LRSAM1: variants seen among roughly 807,000 people sequenced by gnomAD.
LRSAM1 encodes the protein E3 ubiquitin-protein ligase LRSAM1.
In LRSAM1, 96 loss-of-function variants were observed where a neutral mutation model predicts 118.1. The ratio of observed to expected loss-of-function variants is 0.81; its 90% CI spans 0.69 to 0.96. The LOEUF (loss-of-function observed/expected upper bound fraction) is 0.96, where lower values mean the gene tolerates loss of function less well. Among genes scored for constraint, LRSAM1 ranks in the 40% least tolerant of loss-of-function variants. The pLI, the probability that LRSAM1 is intolerant of heterozygous loss-of-function variation, is 0.00. For missense variants in LRSAM1, 804 were observed against 915.5 expected, an observed-to-expected ratio of 0.88 and a Z score of 1.57; for synonymous variants, 322 against 364.2, an observed-to-expected ratio of 0.88 and a Z score of 1.32.
At chr9:127,483,448 GAA>G (rs1197470164) in intron 16 of LRSAM1, among the ~76,000 whole-genome samples, 1 of 134,034 alleles carries the variant, frequency 7.5e-6, no homozygotes, top group African/African-American at 2.8e-5. Context: ...CCATTTCTCA[GAA>G]AAAAAAAAAA....
At chr9:127,495,816 T>G in intron 22 of LRSAM1, 148 bp from the exon 23 acceptor site, 1 of 1,199,958 alleles carries the variant, frequency 8.3e-7, no homozygotes, top group Non-Finnish European at 1.2e-6. Context: ...TCTATCTATC[T>G]CTGTGTGCCT....
intron 9 of LRSAM1, among the ~76,000 whole-genome samples, chr9:127,464,515 T>G (rs2132020513): frequency 6.6e-6 from 1 of 152,282 alleles, no homozygotes; most frequent in East Asian, 1.9e-4. Flanking sequence ...AAGTTTGATT[T>G]CATTGAATTT....
chr9:127,487,628 G>T (rs779016887), intron 17 of LRSAM1, 48 bp from the exon 18 acceptor site: 4 of 1,568,918 alleles, frequency 2.5e-6, no homozygotes, highest in Non-Finnish European at 2.6e-6. Context: ...CATAGTAGGT[G>T]CTCGGGAAAC....
chr9:127,467,701 G>T, intron 9 of LRSAM1, 39 bp from the exon 10 acceptor site: 1 of 1,570,826 alleles, frequency 6.4e-7, no homozygotes, highest in South Asian at 1.1e-5. Flanking sequence ...CGGTTGCGTT[G>T]GTAGCGAACA....
chr9:127,490,075 G>A (rs1190191914), intron 19 of LRSAM1, among the ~76,000 whole-genome samples: 5 of 133,628 alleles, frequency 3.7e-5, no homozygotes, highest in East Asian at 2.0e-4. Flanking sequence ...CCCGCAGGCC[G>A]GCTGCTGACC....
intron 2 of LRSAM1, chr9:127,454,031 G>A (rs1834419926): frequency 3.5e-6 from 1 of 284,698 alleles, no homozygotes; most frequent in East Asian, 1.0e-4. Context: ...CACAGCCCCT[G>A]CCTCCATGGA....
intron 17 of LRSAM1, chr9:127,487,405 G>T: frequency 2.4e-6 from 1 of 412,122 alleles, no homozygotes; most frequent in Non-Finnish European, 4.7e-6. Flanking sequence ...CTTCCGGGGG[G>T]TGCTGGGGAG....
At chr9:127,495,538 G>C (rs1564282100) in intron 22 of LRSAM1, 120 bp downstream of exon 22, 2 of 839,404 alleles carry the variant, frequency 2.4e-6, no homozygotes, top group Non-Finnish European at 4.0e-6. Flanking sequence ...TAGCATGCCA[G>C]ATCCTGTGCC....
chr9:127,477,333 T>C (rs1407370340), intron 11 of LRSAM1, among the ~76,000 whole-genome samples: 1 of 152,204 alleles, frequency 6.6e-6, no homozygotes, highest in Non-Finnish European at 1.5e-5. Flanking sequence ...AATTGAAGAT[T>C]AATTTTAAAA....
At chr9:127,462,419 A>C in intron 9 of LRSAM1, 46 bp downstream of exon 9, 1 of 1,612,354 alleles carries the variant, frequency 6.2e-7, no homozygotes. Context: ...TGGCCTGCCC[A>C]CCTCCCCTCT....
chr9:127,491,441 G>A (rs1835929909), intron 20 of LRSAM1, 146 bp downstream of exon 20: 1 of 692,212 alleles, frequency 1.4e-6, no homozygotes, highest in Non-Finnish European at 2.6e-6. Context: ...CTGTGGCTGT[G>A]ACACCAGAGG....
At chr9:127,484,769 C>G (rs1200194393) in intron 16 of LRSAM1, among the ~76,000 whole-genome samples, 1 of 150,890 alleles carries the variant, frequency 6.6e-6, no homozygotes, top group Non-Finnish European at 1.5e-5. Context: ...TATTCTAGTT[C>G]CTTCTTTCAA....
intron 11 of LRSAM1, among the ~76,000 whole-genome samples, chr9:127,477,614 G>C (rs1440037532): frequency 6.6e-6 from 1 of 152,088 alleles, no homozygotes; most frequent in Non-Finnish European, 1.5e-5. Flanking sequence ...GCCAGGCATG[G>C]TGGTGCGTGC....
intron 10 of LRSAM1, among the ~76,000 whole-genome samples, chr9:127,472,999 T>C (rs940195858): frequency 6.6e-6 from 1 of 152,098 alleles, no homozygotes; most frequent in Non-Finnish European, 1.5e-5. Flanking sequence ...GAGGAGTGGC[T>C]GGGAGGACCT....
chr9:127,485,905 T>C (rs998424509), intron 17 of LRSAM1, 70 bp downstream of exon 17: 92 of 1,501,814 alleles, frequency 6.1e-5, no homozygotes, highest in Non-Finnish European at 7.9e-5. Flanking sequence ...GACCGTGGGA[T>C]GAGAGCTGGG....
chr9:127,479,498 T>C lies in LRSAM1; in HGVS notation c.896T>C (p.Val299Ala). Reference sequence around the variant, plus strand: ...CAGAAGGATGAGATCCTTCAGACGGTCAAGGAGGTTTGTGAGCCGCCTGCT... The same window carrying C: ...CAGAAGGATGAGATCCTTCAGACGGCCAAGGAGGTTTGTGAGCCGCCTGCT... Reference protein sequence around the residue: ...SSQKDEILQTVKEEQSRLEQG... With the variant: ...SSQKDEILQTAKEEQSRLEQG... Residue 299 changes from valine to alanine, a missense_variant, in exon 13 of 26, where the codon GTC becomes GCC. Physicochemically the swap from Val to Ala is moderately conservative, Grantham distance 64. Transcript: ENST00000300417. 1 of 1,613,864 alleles carries C rather than the reference T, an allele frequency of 6.2e-7. No homozygotes were observed.
intron 24 of LRSAM1, 114 bp downstream of exon 24, chr9:127,497,448 C>T: frequency 9.4e-7 from 1 of 1,059,216 alleles, no homozygotes; most frequent in Non-Finnish European, 1.4e-6. Context: ...TGGTTCTAGC[C>T]TCTGCTGGTC....
chr9:127,503,025 C>G lies in LRSAM1; in HGVS notation c.*126C>G. The G allele has an allele frequency of 2.3e-6, 3 of 1,302,630 alleles. No homozygotes were observed. The highest frequency in any genetic ancestry group is 2.6e-4 in the Middle Eastern group (1 of 3,918). The allele number at this position is 1,302,630 out of a possible 1,614,324, so 80.7% of individuals were successfully genotyped here. A position where few individuals can be genotyped will look rare whatever the true frequency, so the allele number is the denominator to read the frequency against. On this transcript the variant is annotated 3_prime_UTR_variant, in exon 26 of 26. Coordinates refer to ENST00000300417, the MANE Select transcript of LRSAM1 (RefSeq NM_001005373.4). ...CCCCCTGCCCTGGGCCCCTTCCCCA[C>G]TGCCCAGGAGCCCCCATCCTAAGCT...
At position 127,465,841 on chromosome 9, in the gene LRSAM1, G is replaced by A. The variant is rs1298710157; in HGVS notation, c.529-1899G>A. ...TCAGAGGTTGGCAGCGGGAGGGCAGGGTCCAACACAACTCACACCGTGGAT... is the reference window on the plus strand; with the variant it reads ...TCAGAGGTTGGCAGCGGGAGGGCAGAGTCCAACACAACTCACACCGTGGAT... On this transcript the variant is annotated intron_variant, in intron 9 of 25. Transcript: ENST00000300417. The surrounding 1 kb of genome is among the most constrained non-coding windows in gnomAD (Gnocchi z 4.1). 6.6e-6 allele frequency among the ~76,000 whole-genome samples: 1 copy of A among 152,158 alleles called. No homozygotes were observed. The highest frequency in any genetic ancestry group is 6.6e-5 in the Admixed American group (1 of 15,262).
Sources: gnomAD v4.1 joint callset for allele counts (sites outside exome capture counted in the v4.1 genomes callset) on GRCh38, gnomAD v4.1.1 for gene constraint, Gnocchi (gnomAD v3.1) non-coding constraint, MANE v1.5 for transcripts, NCBI Gene and HGNC (gene_info 2026-07-23, HGNC 2026-07-21) for gene names.